The following ATP13A4 variants were observed in gnomAD, a reference collection of about 807,000 sequenced individuals.
ATP13A4 encodes the protein ATPase 13A4.
ATP13A4 carries 114 observed loss-of-function variants against 142.5 expected under a neutral mutation model. That is an observed-to-expected ratio of 0.80 (90% CI 0.69 to 0.93). The LOEUF is 0.93. Among genes scored for constraint, ATP13A4 ranks in the 40% least tolerant of loss-of-function variants. The pLI is 0.00. For synonymous variants in ATP13A4, 488 were observed against 514.8 expected, an observed-to-expected ratio of 0.95 and a Z score of 0.70; for missense variants, 1,392 against 1,454.0, an observed-to-expected ratio of 0.96 and a Z score of 0.69.
chr3:193,460,119 C>G (rs899513065), intron 13 of ATP13A4, among the ~76,000 whole-genome samples: 2 of 152,192 alleles, frequency 1.3e-5, no homozygotes, highest in African/African-American at 4.8e-5. Flanking sequence ...GCTCCCCCTC[C>G]TCCACATGCC....
intron 5 of ATP13A4, among the ~76,000 whole-genome samples, chr3:193,492,715 A>G (rs1720010778): frequency 2.0e-5 from 3 of 152,130 alleles, no homozygotes; most frequent in African/African-American, 7.2e-5. Flanking sequence ...AAATGGTGAT[A>G]ATGTCTGTTC....
chr3:193,414,620 G>GA lies in ATP13A4; in HGVS notation c.2972dup (p.Leu992ProfsTer21). ...AATACCAAGGCTGCCTCTGAACCAG[G>GA]ATGAAGCCTGCAATATGCATGGCCA... On this transcript the variant is annotated frameshift_variant, in exon 26 of 30. Coordinates refer to ENST00000342695, the MANE Select transcript of ATP13A4 (RefSeq NM_032279.4). LOFTEE classifies it high-confidence loss of function. 6.2e-7 allele frequency: 1 copy of GA among 1,614,118 alleles called. No individual in the cohort carries two copies. The highest frequency in any genetic ancestry group is 8.5e-7 in the Non-Finnish European group (1 of 1,179,996).
chr3:193,432,918 A>G (rs771265001), intron 25 of ATP13A4, among the ~76,000 whole-genome samples: 10 of 152,124 alleles, frequency 6.6e-5, no homozygotes, highest in Non-Finnish European at 1.5e-4. Flanking sequence ...ATATGTTCAA[A>G]CCCATAAAAT....
At chr3:193,580,029 T>C (rs1361470496) in intron 2 of ATP13A4, among the ~76,000 whole-genome samples, 3 of 152,176 alleles carry the variant, frequency 2.0e-5, no homozygotes, top group Non-Finnish European at 4.4e-5. Flanking sequence ...AATCTCACCC[T>C]AAATTTTATT....
At chr3:193,478,099 C>T (rs775680248) in intron 8 of ATP13A4, among the ~76,000 whole-genome samples, 4 of 151,834 alleles carry the variant, frequency 2.6e-5, no homozygotes, top group Non-Finnish European at 4.4e-5. Flanking sequence ...GTCAATTTTC[C>T]ATAAATGTAT....
chr3:193,456,227 A>T (rs1034372333), intron 16 of ATP13A4, among the ~76,000 whole-genome samples: 1 of 152,302 alleles, frequency 6.6e-6, no homozygotes, highest in South Asian at 2.1e-4. Context: ...TGCTCTAAGG[A>T]TTTCTGTCTA....
intron 8 of ATP13A4, among the ~76,000 whole-genome samples, chr3:193,480,325 G>A (rs569668661): frequency 1.3e-5 from 2 of 152,140 alleles, no homozygotes; most frequent in East Asian, 3.9e-4. Context: ...GAAATAACCA[G>A]CAGAATAAAC....
chr3:193,566,789 T>C (rs1724144498), intron 2 of ATP13A4, among the ~76,000 whole-genome samples: 1 of 152,172 alleles, frequency 6.6e-6, no homozygotes, highest in South Asian at 2.1e-4. Context: ...AATGTTGTGG[T>C]TAACAATATT....
chr3:193,564,357 C>T (rs1391624355), intron 2 of ATP13A4, among the ~76,000 whole-genome samples: 1 of 152,198 alleles, frequency 6.6e-6, no homozygotes, highest in Non-Finnish European at 1.5e-5. Context: ...TCAACTGTGT[C>T]CTATGAAATG....
rs964530547 is a variant in ATP13A4 at position 193,422,856 on chromosome 3, A to G, written c.2843-8106T>C. 6.0e-5 allele frequency among the ~76,000 whole-genome samples: 9 copies of G among 149,622 alleles called. 1 individual carries two copies. The highest frequency in any genetic ancestry group is 1.7e-4 in the African/African-American group (7 of 40,780). On this transcript the variant is annotated intron_variant, in intron 25 of 29. Coordinates refer to ENST00000342695, the MANE Select transcript of ATP13A4 (RefSeq NM_032279.4). ...AACAAACTAAACCCAATATTAGTAG[A>G]AAGAAAGAAATAATAAAGATAAAGC... is the stretch of plus-strand genomic sequence containing the variant.
At chr3:193,431,606 T>C (rs1336183134) in intron 25 of ATP13A4, among the ~76,000 whole-genome samples, 1 of 135,976 alleles carries the variant, frequency 7.4e-6, no homozygotes, top group African/African-American at 3.4e-5. Context: ...TATATGCATG[T>C]GTGTGTGTGT....
intron 1 of ATP13A4, among the ~76,000 whole-genome samples, chr3:193,545,909 T>C (rs1404221731): frequency 1.3e-5 from 2 of 151,594 alleles, no homozygotes; most frequent in African/African-American, 4.9e-5. Context: ...GAAAAAAAAA[T>C]GAGTATTACT....
intron 1 of ATP13A4, among the ~76,000 whole-genome samples, chr3:193,531,858 A>C (rs1214232581): frequency 6.6e-6 from 1 of 152,194 alleles, no homozygotes; most frequent in Non-Finnish European, 1.5e-5. Flanking sequence ...AGAGTGTAAA[A>C]AGCTGGAGTC....
At chr3:193,547,350 GTC>G (rs1312915260) in intron 1 of ATP13A4, among the ~76,000 whole-genome samples, 2 of 152,114 alleles carry the variant, frequency 1.3e-5, no homozygotes, top group African/African-American at 4.8e-5. Flanking sequence ...TCCACATTGT[GTC>G]ATCCAGGCTG....
intron 18 of ATP13A4, among the ~76,000 whole-genome samples, chr3:193,447,909 T>G (rs1717045930): frequency 6.6e-6 from 1 of 152,198 alleles, no homozygotes; most frequent in Admixed American, 6.5e-5. Context: ...ATGTCACATC[T>G]CGGAGAGGCA....
At chr3:193,451,581 T>A (rs1717282642) in intron 17 of ATP13A4, among the ~76,000 whole-genome samples, 1 of 152,186 alleles carries the variant, frequency 6.6e-6, no homozygotes, top group Non-Finnish European at 1.5e-5. Context: ...TTCTATCTCT[T>A]CTGGCTTCCT....
At position 193,412,164 on chromosome 3, in the gene ATP13A4, A is replaced by G. The variant is rs1714802470; in HGVS notation, c.3208+14T>C. On this transcript the variant is annotated intron_variant, in intron 27 of 29. Coordinates refer to ENST00000342695, the MANE Select transcript of ATP13A4 (RefSeq NM_032279.4). ...GATGACTTCTCACCTCTGATGCAGTACAGTTCTACTCACAGTTTGTATAAG... is the reference window on the plus strand; with the variant it reads ...GATGACTTCTCACCTCTGATGCAGTGCAGTTCTACTCACAGTTTGTATAAG... 1 of 1,583,720 alleles carries G rather than the reference A, an allele frequency of 6.3e-7. No individual in the cohort carries two copies. The highest frequency in any genetic ancestry group is 1.7e-5 in the Admixed American group (1 of 59,958).
intron 2 of ATP13A4, among the ~76,000 whole-genome samples, chr3:193,578,130 C>G (rs759059469): frequency 2.2e-4 from 33 of 152,030 alleles, no homozygotes; most frequent in Middle Eastern, 3.4e-3. Context: ...CCTGTATCTA[C>G]TAAAAATACA....
At chr3:193,556,422 T>A (rs1188369765), upstream of ATP13A4, among the ~76,000 whole-genome samples, 1 of 151,968 alleles carries the variant, frequency 6.6e-6, no homozygotes, top group Non-Finnish European at 1.5e-5. Context: ...AAGTATAGGA[T>A]AAACATAAAA....
Sources: gnomAD v4.1 joint callset for allele counts (sites outside exome capture counted in the v4.1 genomes callset) on GRCh38, gnomAD v4.1.1 for gene constraint, MANE v1.5 for transcripts, NCBI Gene and HGNC (gene_info 2026-07-23, HGNC 2026-07-21) for gene names.